The following SPAG16 variants were observed in gnomAD, a reference collection of about 807,000 sequenced individuals.
SPAG16 encodes sperm associated antigen 16.
A neutral mutation model predicts 80.4 loss-of-function variants in SPAG16; 86 were observed. The observed-to-expected ratio is 1.07, with a 90% confidence interval of 0.90 to 1.28. SPAG16 has a LOEUF of 1.28. SPAG16 is among the 50% of genes most tolerant of loss of function. SPAG16 has a pLI of 0.00. For missense variants in SPAG16, 870 were observed against 765.3 expected (o/e 1.14, Z -1.61); for synonymous variants, 294 against 265.9 (o/e 1.11, Z -1.03).
intron 11 of SPAG16, among the ~76,000 whole-genome samples, chr2:213,921,727 T>A (rs1291109433): frequency 1.3e-5 from 2 of 152,236 alleles, no homozygotes. Flanking sequence ...GCAGTTCTGG[T>A]GGTAATGAAT....
chr2:213,756,893 A>G (rs775350484), intron 10 of SPAG16, among the ~76,000 whole-genome samples: 3 of 152,206 alleles, frequency 2.0e-5, no homozygotes, highest in Non-Finnish European at 2.9e-5. Context: ...TTTTTTAAAG[A>G]AGTGTTTTTG....
intron 15 of SPAG16, among the ~76,000 whole-genome samples, chr2:214,293,076 G>A (rs1008534211): frequency 3.3e-5 from 5 of 152,176 alleles, no homozygotes; most frequent in African/African-American, 9.7e-5. Context: ...ACCTTGAGCC[G>A]TAGAGCAATG....
chr2:213,715,230 A>ATCTATCTT (rs1440223521), intron 10 of SPAG16, among the ~76,000 whole-genome samples: 4 of 139,680 alleles, frequency 2.9e-5, no homozygotes, highest in African/African-American at 1.0e-4. Context: ...CTGTCTATCT[A>ATCTATCTT]TCTATCTATC....
intron 10 of SPAG16, among the ~76,000 whole-genome samples, chr2:213,612,612 C>T (rs2061472151): frequency 6.6e-6 from 1 of 152,212 alleles, no homozygotes; most frequent in Admixed American, 6.5e-5. Context: ...TGATCACAAC[C>T]TGTTACAGAT....
intron 10 of SPAG16, among the ~76,000 whole-genome samples, chr2:213,574,429 T>G (rs1283629624): frequency 6.6e-6 from 1 of 152,034 alleles, no homozygotes; most frequent in Non-Finnish European, 1.5e-5. Flanking sequence ...TAAGAAAATC[T>G]GTGGTACTAG....
intron 15 of SPAG16, among the ~76,000 whole-genome samples, chr2:214,150,020 A>C (rs2055899549): frequency 6.6e-6 from 1 of 152,106 alleles, no homozygotes; most frequent in Non-Finnish European, 1.5e-5. Context: ...ACATGTTTTA[A>C]ACTATTTTAA....
intron 9 of SPAG16, among the ~76,000 whole-genome samples, chr2:213,429,020 A>T (rs1422148898): frequency 6.6e-6 from 1 of 151,126 alleles, no homozygotes; most frequent in African/African-American, 2.4e-5. Flanking sequence ...TGAACCTGGG[A>T]GGCAGGGGTT....
chr2:213,970,694 G>C (rs2044997654), intron 12 of SPAG16, among the ~76,000 whole-genome samples: 1 of 152,264 alleles, frequency 6.6e-6, no homozygotes, highest in East Asian at 1.9e-4. Context: ...AGTACATCCT[G>C]GCCTCATTGG....
intron 15 of SPAG16, among the ~76,000 whole-genome samples, chr2:214,168,496 C>T (rs752142662): frequency 3.2e-4 from 48 of 151,944 alleles, no homozygotes; most frequent in Non-Finnish European, 5.1e-4. Context: ...ATGACACGCA[C>T]GCACACACAT....
At chr2:214,235,252 G>A (rs574909019) in intron 15 of SPAG16, among the ~76,000 whole-genome samples, 3 of 152,066 alleles carry the variant, frequency 2.0e-5, no homozygotes, top group South Asian at 4.1e-4. Flanking sequence ...GAAATAAAAT[G>A]TAAGTTGATT....
At chr2:213,515,243 C>A (rs542197244) in intron 10 of SPAG16, among the ~76,000 whole-genome samples, 1 of 152,090 alleles carries the variant, frequency 6.6e-6, no homozygotes, top group South Asian at 2.1e-4. Context: ...ACTCAGTAGC[C>A]CCTACTGATA....
At chr2:213,373,171 CTT>C (rs1218580507) in intron 8 of SPAG16, among the ~76,000 whole-genome samples, 1 of 152,060 alleles carries the variant, frequency 6.6e-6, no homozygotes, top group Non-Finnish European at 1.5e-5. Flanking sequence ...GAGACAAAGA[CTT>C]TGCTGGGATA....
intron 9 of SPAG16, among the ~76,000 whole-genome samples, chr2:213,387,379 C>CT (rs1357064648): frequency 3.8e-5 from 5 of 131,316 alleles, no homozygotes; most frequent in Admixed American, 7.5e-5. Context: ...TTCTTCCATC[C>CT]TTTTTTTGCC....
At chr2:213,391,664 G>T (rs904953186) in intron 9 of SPAG16, among the ~76,000 whole-genome samples, 2 of 152,080 alleles carry the variant, frequency 1.3e-5, no homozygotes, top group African/African-American at 4.8e-5. Flanking sequence ...CGATAGAAAA[G>T]GTTATTTACT....
At chr2:214,113,784 G>T (rs530414856) in intron 14 of SPAG16, among the ~76,000 whole-genome samples, 1 of 152,120 alleles carries the variant, frequency 6.6e-6, no homozygotes, top group Non-Finnish European at 1.5e-5. Context: ...CTTTAGCTCG[G>T]AGAAGTTTGT....
chr2:213,557,990 A>G (rs914142064), intron 10 of SPAG16, among the ~76,000 whole-genome samples: 5 of 152,132 alleles, frequency 3.3e-5, no homozygotes, highest in African/African-American at 1.2e-4. Flanking sequence ...TTCATTTCTG[A>G]ACGATATTTA....
chr2:213,616,036 G>A (rs529194693), intron 10 of SPAG16, among the ~76,000 whole-genome samples: 1 of 152,214 alleles, frequency 6.6e-6, no homozygotes, highest in African/African-American at 2.4e-5. Flanking sequence ...TTCTGCACAT[G>A]TATCCCAGAA....
intron 3 of SPAG16, among the ~76,000 whole-genome samples, chr2:213,305,615 T>G (rs573413791): frequency 4.0e-4 from 61 of 152,312 alleles, no homozygotes; most frequent in African/African-American, 1.4e-3. Flanking sequence ...ATTGAAAGGA[T>G]AATATGATTT....
intron 10 of SPAG16, among the ~76,000 whole-genome samples, chr2:213,747,751 A>G (rs1004655651): frequency 4.1e-4 from 62 of 152,190 alleles, no homozygotes; most frequent in African/African-American, 1.2e-3. Context: ...GAAGGATACC[A>G]TCTCAGAATA....
Sources: allele counts gnomAD v4.1 joint callset (sites outside exome capture counted in the v4.1 genomes callset), GRCh38; gene constraint gnomAD v4.1.1; transcripts MANE v1.5; gene names NCBI Gene and HGNC (gene_info 2026-07-23, HGNC 2026-07-21).